LZTS1: variants seen among roughly 807,000 people sequenced by gnomAD.
The protein encoded by LZTS1 is leucine zipper putative tumor suppressor 1.
In LZTS1, 31 loss-of-function variants were observed where a neutral mutation model predicts 45.8. That is an observed-to-expected ratio of 0.68 (90% CI 0.51 to 0.91). The LOEUF (loss-of-function observed/expected upper bound fraction) is 0.91. Ranked by LOEUF, LZTS1 falls within the 40% of genes least tolerant of loss-of-function variation. LZTS1 has a pLI of 0.00. For missense variants in LZTS1, 821 were observed against 788.9 expected (o/e 1.04, Z -0.49); for synonymous variants, 359 against 357.3 (o/e 1.00, Z -0.05).
chr8:20,253,256 C>T lies in LZTS1; in HGVS notation c.675G>A (p.Met225Ile), dbSNP rs551762462. 2.5e-6 allele frequency: 4 copies of T among 1,614,130 alleles called. No homozygotes were observed. Among genetic ancestry groups the T allele is most frequent in the Non-Finnish European group, 1.7e-6 (2 of 1,180,042 alleles). The change falls in exon 3 of 4, where the codon ATG (methionine) becomes ATA (isoleucine). Residue 225 changes from methionine to isoleucine, a missense_variant. Coordinates refer to ENST00000381569, the MANE Select transcript of LZTS1 (RefSeq NM_021020.5). Reference sequence around the variant, plus strand: ...CGGAGAAGGACAGAGCCTTCAGGCTCATCATGTTGCTGTCCTGGAGGACGA... The same window carrying T: ...CGGAGAAGGACAGAGCCTTCAGGCTTATCATGTTGCTGTCCTGGAGGACGA... ...QGIVLQDSNMMSLKALSFSDG... is the reference protein window; with the variant it reads ...QGIVLQDSNMISLKALSFSDG...
intron 1 of LZTS1, among the ~76,000 whole-genome samples, chr8:20,286,278 C>G (rs961029455): frequency 6.6e-6 from 1 of 152,152 alleles, no homozygotes; most frequent in African/African-American, 2.4e-5. Flanking sequence ...GAAAACAATT[C>G]TCGTAAATCT....
chr8:20,300,178 T>C (rs1269001316), intron 1 of LZTS1, among the ~76,000 whole-genome samples: 1 of 152,138 alleles, frequency 6.6e-6, no homozygotes, highest in Non-Finnish European at 1.5e-5. Flanking sequence ...GGAAAGTCAG[T>C]GGCCACACTA....
chr8:20,260,797 C>A (rs1322233297), intron 1 of LZTS1, among the ~76,000 whole-genome samples: 1 of 152,190 alleles, frequency 6.6e-6, no homozygotes, highest in East Asian at 1.9e-4. Flanking sequence ...GAATGGCCAC[C>A]TCCAGTCCTC....
intron 1 of LZTS1, among the ~76,000 whole-genome samples, chr8:20,258,030 A>T (rs946394913): frequency 1.3e-5 from 2 of 152,162 alleles, no homozygotes; most frequent in South Asian, 2.1e-4. Flanking sequence ...AAACAATAAC[A>T]ACCTTGTCAG....
At chr8:20,255,908 C>A (rs56338602) in intron 1 of LZTS1, among the ~76,000 whole-genome samples, 1 of 151,610 alleles carries the variant, frequency 6.6e-6, no homozygotes, top group African/African-American at 2.4e-5. Context: ...AACCCCATTT[C>A]TACTAAAAAT....
intron 1 of LZTS1, among the ~76,000 whole-genome samples, chr8:20,295,935 G>T (rs186209942): frequency 6.6e-6 from 1 of 152,030 alleles, no homozygotes; most frequent in Admixed American, 6.6e-5. Context: ...CCTCCTTCAC[G>T]CTGTCTTCCC....
chr8:20,280,055 T>A (rs1361626355), intron 1 of LZTS1, among the ~76,000 whole-genome samples: 3 of 152,096 alleles, frequency 2.0e-5, no homozygotes, highest in Non-Finnish European at 4.4e-5. Flanking sequence ...GAATTGCTAC[T>A]GACCGAGAAA....
chr8:20,282,364 T>C (rs1800710130), intron 1 of LZTS1, among the ~76,000 whole-genome samples: 1 of 152,160 alleles, frequency 6.6e-6, no homozygotes, highest in Admixed American at 6.5e-5. Context: ...CAGAATGGTG[T>C]TTGCTGGCCA....
At chr8:20,255,882 C>T (rs1345727802) in intron 1 of LZTS1, among the ~76,000 whole-genome samples, 1 of 151,730 alleles carries the variant, frequency 6.6e-6, no homozygotes. Context: ...CGAGACCAGC[C>T]TGTGCAACTT....
chr8:20,250,208 G>C lies in LZTS1; in HGVS notation c.1305C>G (p.Asp435Glu). 6.2e-7 allele frequency: 1 copy of C among 1,611,884 alleles called. No individual in the cohort carries two copies. The highest frequency in any genetic ancestry group is 8.5e-7 in the Non-Finnish European group (1 of 1,179,730). Residue 435 changes from aspartate (D) to glutamate (E), a missense_variant, in exon 4 of 4, where the codon GAC becomes GAG. Asp to Glu is a conservative substitution (Grantham distance 45). Coordinates refer to ENST00000381569, the MANE Select transcript of LZTS1 (RefSeq NM_021020.5). ...KLEGLELRTQDLEGALRTKGL... is the reference protein window; with the variant it reads ...KLEGLELRTQELEGALRTKGL... ...CCTTGGTGCGCAGGGCGCCCTCCAG[G>C]TCCTGGGTCCTCAGCTCCAGGCCCT...
chr8:20,294,098 GTGT>G (rs1471782278), intron 1 of LZTS1, among the ~76,000 whole-genome samples: 4 of 152,166 alleles, frequency 2.6e-5, no homozygotes, highest in Non-Finnish European at 5.9e-5. Flanking sequence ...CAACCCTGAG[GTGT>G]TGTGTTTGCA....
chr8:20,253,777 G>GA (rs2128892426), intron 2 of LZTS1, among the ~76,000 whole-genome samples, 192 bp from the exon 3 acceptor site: 2 of 152,290 alleles, frequency 1.3e-5, no homozygotes, highest in Non-Finnish European at 2.9e-5. Context: ...TCTTAGGAAG[G>GA]AAAAACCCTA....
At chr8:20,295,205 T>C (rs1012024771) in intron 1 of LZTS1, among the ~76,000 whole-genome samples, 1 of 152,326 alleles carries the variant, frequency 6.6e-6, no homozygotes, top group South Asian at 2.1e-4. Flanking sequence ...CCCGGCACCA[T>C]GCCTGGGCAT....
intron 1 of LZTS1, among the ~76,000 whole-genome samples, chr8:20,262,749 C>T (rs1215946178): frequency 1.3e-5 from 2 of 152,076 alleles, no homozygotes; most frequent in East Asian, 1.9e-4. Flanking sequence ...TGAGTAGAGG[C>T]GAGCAATGCT....
intron 1 of LZTS1, among the ~76,000 whole-genome samples, chr8:20,288,438 T>C (rs1195513676): frequency 6.6e-6 from 1 of 152,144 alleles, no homozygotes; most frequent in Non-Finnish European, 1.5e-5. Flanking sequence ...CACAGCTTCC[T>C]CTTGGGCTTC....
chr8:20,260,349 A>T (rs1800200822), intron 1 of LZTS1, among the ~76,000 whole-genome samples: 1 of 152,166 alleles, frequency 6.6e-6, no homozygotes. Flanking sequence ...AGAATCTGAG[A>T]GTAAAGGTTT....
At chr8:20,287,756 A>T (rs1159996538) in intron 1 of LZTS1, among the ~76,000 whole-genome samples, 1 of 151,954 alleles carries the variant, frequency 6.6e-6, no homozygotes, top group Non-Finnish European at 1.5e-5. Flanking sequence ...GTGCAACCCC[A>T]TCTCTACTGA....
intron 1 of LZTS1, among the ~76,000 whole-genome samples, chr8:20,261,251 GCTC>G (rs1489569350): frequency 1.3e-5 from 2 of 152,202 alleles, no homozygotes; most frequent in Non-Finnish European, 2.9e-5. Flanking sequence ...TGCTACGTGA[GCTC>G]CTACAGAAGG....
chr8:20,293,210 G>A (rs147591524), intron 1 of LZTS1, among the ~76,000 whole-genome samples: 14 of 152,024 alleles, frequency 9.2e-5, no homozygotes, highest in African/African-American at 3.1e-4. Context: ...CTAAAACCAG[G>A]GTCTGCTCTA....
Sources: gnomAD v4.1 joint callset for allele counts (sites outside exome capture counted in the v4.1 genomes callset) on GRCh38, gnomAD v4.1.1 for gene constraint, MANE v1.5 for transcripts, NCBI Gene and HGNC (gene_info 2026-07-23, HGNC 2026-07-21) for gene names.